MBNL3: variants seen among roughly 807,000 people sequenced by gnomAD.
MBNL3 encodes muscleblind like splicing regulator 3, also known as muscleblind-like protein 3.
In MBNL3, 6 loss-of-function variants were observed where a neutral mutation model predicts 24.5. That is an observed-to-expected ratio of 0.25 (90% CI 0.13 to 0.48). MBNL3 has a LOEUF of 0.48. Among genes scored for constraint, MBNL3 ranks in the 20% least tolerant of loss-of-function variants. The probability of loss-of-function intolerance (pLI) is 0.99; values close to 1 mark genes in which losing one functional copy is unlikely to be tolerated. For synonymous variants in MBNL3, 100 were observed against 101.7 expected (o/e 0.98, Z 0.10); for missense variants, 230 against 293.5 (o/e 0.78, Z 1.58).
intron 1 of MBNL3, among the ~76,000 whole-genome samples, chrX:132,443,693 T>C (rs755904642): frequency 7.1e-4 from 79 of 111,393 alleles, no homozygotes; most frequent in Non-Finnish European, 1.3e-3. Flanking sequence ...CTGACTTCAG[T>C]ACAAACTTCT....
At chrX:132,434,413 C>T (rs1944988204) in intron 2 of MBNL3, among the ~76,000 whole-genome samples, 1 of 112,134 alleles carries the variant, frequency 8.9e-6, no homozygotes, top group Admixed American at 9.4e-5. Context: ...ATGCCCATTA[C>T]GATCAATGGC....
At chrX:132,389,035 G>A (rs767126305) in intron 5 of MBNL3, among the ~76,000 whole-genome samples, 2 of 111,598 alleles carry the variant, frequency 1.8e-5, no homozygotes, top group East Asian at 2.8e-4. Context: ...AGCTCTCTAC[G>A]TGGAAATTTG....
chrX:132,380,581 G>C (rs1243620236), intron 8 of MBNL3, among the ~76,000 whole-genome samples: 2 of 111,362 alleles, frequency 1.8e-5, no homozygotes, highest in Admixed American at 9.6e-5. Flanking sequence ...GGGGTCTGGG[G>C]AACTAGTTCA....
Position 132,383,743 on chromosome X carries a change from C to T in MBNL3, c.958+920G>A, listed in dbSNP as rs757366890. 5.4e-5 allele frequency among the ~76,000 whole-genome samples: 6 copies of T among 111,851 alleles called. No homozygotes were observed. In the South Asian group the frequency reaches 1.9e-3, roughly 35 times the overall value. Reference sequence around the variant, plus strand: ...TGTGGTTGTCATTTTGAACTTTATTCTCAAGAAGCCTGTTAGTAGTGCTTT... The same window carrying T: ...TGTGGTTGTCATTTTGAACTTTATTTTCAAGAAGCCTGTTAGTAGTGCTTT... On this transcript the variant is annotated intron_variant, in intron 7 of 8. Coordinates refer to ENST00000370853, the MANE Select transcript of MBNL3 (RefSeq NM_001386889.1).
chrX:132,382,153 G>C, intron 8 of MBNL3, 25 bp downstream of exon 8: 5 of 1,189,882 alleles, frequency 4.2e-6, no homozygotes, highest in Non-Finnish European at 1.1e-6. Flanking sequence ...ATCTTGATCT[G>C]AACAGCTTAA....
intron 2 of MBNL3, among the ~76,000 whole-genome samples, chrX:132,415,021 C>A (rs1943168062): frequency 1.8e-5 from 2 of 111,935 alleles, no homozygotes; most frequent in South Asian, 7.4e-4. Context: ...CAAATGGTTG[C>A]CGTGGCTTTC....
intron 5 of MBNL3, among the ~76,000 whole-genome samples, chrX:132,388,894 A>G (rs1282625487): frequency 8.9e-6 from 1 of 111,736 alleles, no homozygotes; most frequent in Non-Finnish European, 1.9e-5. Context: ...CCTTTATTTA[A>G]TCTTACCTCT....
intron 2 of MBNL3, chrX:132,430,468 A>C (rs747833655): frequency 9.9e-5 from 11 of 111,645 alleles, no homozygotes; most frequent in Non-Finnish European, 1.3e-4. Flanking sequence ...TTTATTCCTC[A>C]CTTCTCCTTA....
At chrX:132,399,215 C>T (rs1198470079) in intron 3 of MBNL3, among the ~76,000 whole-genome samples, 5 of 111,479 alleles carry the variant, frequency 4.5e-5, no homozygotes, top group Non-Finnish European at 5.7e-5. Context: ...TGAATAAATC[C>T]TTCAGTCTTG....
Position 132,412,386 on chromosome X carries a change from C to G in MBNL3, c.178-5994G>C, listed in dbSNP as rs917046337. On this transcript the variant is annotated intron_variant, in intron 2 of 8. Transcript: ENST00000370853. Reference sequence around the variant, plus strand: ...ACTGCGTTCTCCAACTGCCCCACCCCCCATCCTGAATTTCTCTGAACAAGC... The same window carrying G: ...ACTGCGTTCTCCAACTGCCCCACCCGCCATCCTGAATTTCTCTGAACAAGC... Among the ~76,000 whole-genome samples, 5 of 111,956 alleles carry G rather than the reference C, an allele frequency of 4.5e-5. No individual in the cohort carries two copies. The Admixed American group carries it at 4.7e-4, about 11-fold the overall frequency.
At chrX:132,424,161 G>A (rs1219957118) in intron 2 of MBNL3, among the ~76,000 whole-genome samples, 6 of 112,004 alleles carry the variant, frequency 5.4e-5, no homozygotes, top group Non-Finnish European at 1.1e-4. Flanking sequence ...ATAGGAAAAT[G>A]TACTGAATTG....
At chrX:132,490,030 G>C (rs1323584921), upstream of MBNL3, 1 of 112,941 alleles carries the variant, frequency 8.9e-6, no homozygotes, top group African/African-American at 3.2e-5. Context: ...TCGCTCACTC[G>C]TGCCTGGTTC....
Position 132,384,659 on chromosome X carries a change from C to T in MBNL3, c.958+4G>A, listed in dbSNP as rs1375373274. The T allele has an allele frequency of 8.4e-7, 1 of 1,194,003 alleles. No homozygotes were observed. Among genetic ancestry groups the T allele is most frequent in the Non-Finnish European group, 1.1e-6 (1 of 885,163 alleles). On this transcript the variant is annotated splice_donor_region_variant and intron_variant, in intron 7 of 8. Coordinates refer to ENST00000370853, the MANE Select transcript of MBNL3 (RefSeq NM_001386889.1). ...AATGTTGATAATTTTTGTAGAAAAC[C>T]TACCAATATTTGAAGCGGGTGCCAT... is the stretch of plus-strand genomic sequence containing the variant.
intron 3 of MBNL3, among the ~76,000 whole-genome samples, chrX:132,399,866 C>A (rs1248740936): frequency 9.1e-6 from 1 of 109,387 alleles, no homozygotes; most frequent in African/African-American, 3.3e-5. Context: ...CATTTGTGAT[C>A]AACAGCAAGC....
At chrX:132,448,865 A>G (rs1226801520) in intron 1 of MBNL3, among the ~76,000 whole-genome samples, 1 of 111,859 alleles carries the variant, frequency 8.9e-6, no homozygotes, top group East Asian at 2.8e-4. Context: ...GTTTCAAAGA[A>G]CTTATTTATG....
At chrX:132,405,599 A>C (rs1275676512) in intron 3 of MBNL3, among the ~76,000 whole-genome samples, 1 of 111,561 alleles carries the variant, frequency 9.0e-6, no homozygotes, top group African/African-American at 3.3e-5. Flanking sequence ...AAAAGCAACA[A>C]CAGGCCGGGC....
intron 1 of MBNL3, among the ~76,000 whole-genome samples, chrX:132,461,887 C>A (rs1291880956): frequency 8.9e-6 from 1 of 111,903 alleles, no homozygotes. Flanking sequence ...CTACATATTT[C>A]TATTATACAT....
chrX:132,447,209 T>G (rs1008290119), intron 1 of MBNL3, among the ~76,000 whole-genome samples: 2 of 112,013 alleles, frequency 1.8e-5, no homozygotes, highest in Admixed American at 9.5e-5. Flanking sequence ...CCTTGTTCTT[T>G]TTGTTGAGGA....
intron 2 of MBNL3, among the ~76,000 whole-genome samples, chrX:132,408,288 T>C (rs1942187096): frequency 9.3e-6 from 1 of 107,351 alleles, no homozygotes; most frequent in South Asian, 4.3e-4. Context: ...TGCTTTGGGG[T>C]AGTTAGACAG....
Sources: allele counts gnomAD v4.1 joint callset (sites outside exome capture counted in the v4.1 genomes callset), GRCh38; gene constraint gnomAD v4.1.1; transcripts MANE v1.5; gene names NCBI Gene and HGNC (gene_info 2026-07-23, HGNC 2026-07-21).